LINGO1: variants seen among roughly 807,000 people sequenced by gnomAD.
The protein encoded by LINGO1 is leucine rich repeat and Ig domain containing 1, also known as leucine-rich repeat and immunoglobulin-like domain-containing nogo receptor-interacting protein 1.
LINGO1 carries 11 observed loss-of-function variants against 37.3 expected under a neutral mutation model. The observed-to-expected ratio is 0.29, with a 90% CI of 0.19 to 0.49. The LOEUF is 0.49. Ranked by LOEUF, LINGO1 falls within the 20% of genes least tolerant of loss-of-function variation. The probability of loss-of-function intolerance (pLI) is 0.99; values close to 1 mark genes in which losing one functional copy is unlikely to be tolerated. For synonymous variants in LINGO1, 387 were observed against 403.0 expected (o/e 0.96, Z 0.48); for missense variants, 585 against 878.2 (o/e 0.67, Z 4.22).
chr15:77,696,259 C>G (rs1013931031), intron 1 of LINGO1: 1 of 152,280 alleles, frequency 6.6e-6, no homozygotes, highest in African/African-American at 2.4e-5. Context: ...AAGCCAACCC[C>G]GTCCCACACC....
chr15:77,815,577 C>A (rs369432888), intron 1 of LINGO1, among the ~76,000 whole-genome samples: 1 of 152,194 alleles, frequency 6.6e-6, no homozygotes, highest in Non-Finnish European at 1.5e-5. Flanking sequence ...TGGGCCTCAG[C>A]GGCTTACTGA....
At chr15:77,786,608 G>C (rs1224917476) in intron 1 of LINGO1, among the ~76,000 whole-genome samples, 2 of 152,204 alleles carry the variant, frequency 1.3e-5, no homozygotes, top group Admixed American at 1.3e-4. Context: ...GGGATGGCAG[G>C]TATGGGCTAC....
intron 3 of LINGO1, among the ~76,000 whole-genome samples, chr15:77,651,106 C>G (rs1330689949): frequency 6.6e-6 from 1 of 152,110 alleles, no homozygotes; most frequent in African/African-American, 2.4e-5. Flanking sequence ...GGTGCACAGG[C>G]AGAGGCCACT....
intron 1 of LINGO1, among the ~76,000 whole-genome samples, chr15:77,764,704 T>C (rs961944644): frequency 1.3e-5 from 2 of 152,188 alleles, no homozygotes; most frequent in Admixed American, 6.5e-5. Flanking sequence ...CAACTACTCA[T>C]ACGTTGCTGT....
At chr15:77,740,498 G>A (rs1274098948) in intron 1 of LINGO1, among the ~76,000 whole-genome samples, 3 of 152,136 alleles carry the variant, frequency 2.0e-5, no homozygotes, top group African/African-American at 7.2e-5. Flanking sequence ...CACAGACCAC[G>A]CTGGCCTGTT....
At chr15:77,619,306 G>A (rs2073845214) in intron 1 of LINGO1, among the ~76,000 whole-genome samples, 1 of 152,184 alleles carries the variant, frequency 6.6e-6, no homozygotes, top group Non-Finnish European at 1.5e-5. Flanking sequence ...TTTTGCAGGG[G>A]TGGAAGCCCT....
At chr15:77,668,796 C>CAA (rs2075191825) in intron 3 of LINGO1, among the ~76,000 whole-genome samples, 1 of 105,198 alleles carries the variant, frequency 9.5e-6, no homozygotes, top group Non-Finnish European at 2.2e-5. Flanking sequence ...GGGGAATACA[C>CAA]ACACACACAC....
chr15:77,781,630 C>G (rs1019243339), intron 1 of LINGO1, among the ~76,000 whole-genome samples: 2 of 152,174 alleles, frequency 1.3e-5, no homozygotes, highest in Non-Finnish European at 2.9e-5. Context: ...ACATCTACAT[C>G]ACACTCCGCA....
intron 1 of LINGO1, among the ~76,000 whole-genome samples, chr15:77,806,712 C>T (rs549586132): frequency 6.6e-6 from 1 of 152,272 alleles, no homozygotes; most frequent in Admixed American, 6.5e-5. Flanking sequence ...CCCGACCCCC[C>T]AGTCCAGGGA....
intron 2 of LINGO1, among the ~76,000 whole-genome samples, chr15:77,709,560 C>T (rs1192672543): frequency 6.6e-6 from 1 of 152,234 alleles, no homozygotes; most frequent in East Asian, 1.9e-4. Context: ...CCTTCTCTGT[C>T]TCTAGATTCA....
rs1596016954 is a variant in LINGO1, at chr15:77,632,262, C to T, written c.6+48G>A. The T allele has an allele frequency of 1.5e-6, 2 of 1,347,786 alleles. No individual in the cohort carries two copies. Among genetic ancestry groups the T allele is most frequent in the Non-Finnish European group, 9.5e-7 (1 of 1,056,170 alleles). 83.5% of individuals were successfully genotyped at this position (1,347,786 alleles called of 1,614,324 possible). ...GCCGATGGCGGCCCCCAGGGGCACT[C>T]GCCGCGGGGCTGCCCGCTCGGGGCT... On this transcript the variant is annotated intron_variant, in intron 1 of 1. Coordinates refer to ENST00000355300, the MANE Select transcript of LINGO1 (RefSeq NM_032808.7). This position sits in a 1 kb window ranked among gnomAD's most constrained non-coding sequence, Gnocchi z 6.0.
chr15:77,691,742 C>T (rs777756196), intron 1 of LINGO1, among the ~76,000 whole-genome samples: 2 of 151,888 alleles, frequency 1.3e-5, no homozygotes, highest in Non-Finnish European at 2.9e-5. Context: ...GAGCAATTCA[C>T]GGCACCCCTG....
upstream of LINGO1, among the ~76,000 whole-genome samples, chr15:77,699,685 C>T (rs547894163): frequency 1.3e-5 from 2 of 152,260 alleles, no homozygotes; most frequent in Non-Finnish European, 2.9e-5. Context: ...ATCATCTGCA[C>T]ACAGTAAGCA....
At chr15:77,650,819 T>C (rs1489626208) in intron 3 of LINGO1, among the ~76,000 whole-genome samples, 1 of 151,712 alleles carries the variant, frequency 6.6e-6, no homozygotes, top group Non-Finnish European at 1.5e-5. Flanking sequence ...ACACAGGTGA[T>C]GGGATAAGGA....
chr15:77,817,754 C>T (rs551480007), intron 1 of LINGO1, among the ~76,000 whole-genome samples: 50 of 152,248 alleles, frequency 3.3e-4, no homozygotes, highest in Admixed American at 7.2e-4. Context: ...CCAGGGTCAG[C>T]GGATACCCTC....
At chr15:77,752,259 C>T (rs925108777) in intron 1 of LINGO1, among the ~76,000 whole-genome samples, 4 of 152,236 alleles carry the variant, frequency 2.6e-5, no homozygotes, top group African/African-American at 4.8e-5. Flanking sequence ...ACTGGCTCCC[C>T]GCAGAGCCCC....
rs142967601 is a variant in LINGO1, at chr15:77,619,389, C to T, written c.7-3489G>A. Among the ~76,000 whole-genome samples the T allele has an allele frequency of 7.5e-4, 114 of 152,214 alleles. 2 individuals are homozygous for T. Among genetic ancestry groups the T allele is most frequent in the African/African-American group, 2.6e-3 (108 of 41,514 alleles). The stretch of plus-strand genomic sequence containing the variant: ...TGAGGAATTGAAGTATGTTGGAAGC[C>T]GGGCATGGTGGCGCTGCAATCCCAC... On this transcript the variant is annotated intron_variant, in intron 1 of 1. Transcript: ENST00000355300.
chr15:77,685,174 T>C (rs1223213941), intron 2 of LINGO1, among the ~76,000 whole-genome samples: 5 of 151,530 alleles, frequency 3.3e-5, no homozygotes, highest in Non-Finnish European at 7.4e-5. Flanking sequence ...GTGGGTATGC[T>C]AGAGGGCTCT....
intron 1 of LINGO1, among the ~76,000 whole-genome samples, chr15:77,755,868 G>A (rs564340982): frequency 1.3e-5 from 2 of 152,024 alleles, no homozygotes; most frequent in East Asian, 1.9e-4. Context: ...CCTTCCTCCC[G>A]CCAGCAAAGC....
Sources: allele counts gnomAD v4.1 joint callset (sites outside exome capture counted in the v4.1 genomes callset), GRCh38; gene constraint gnomAD v4.1.1; non-coding constraint Gnocchi (gnomAD v3.1); transcripts MANE v1.5; gene names NCBI Gene and HGNC (gene_info 2026-07-23, HGNC 2026-07-21).